The following NRDE2 variants were observed in gnomAD, a reference collection of about 807,000 sequenced individuals.
The protein encoded by NRDE2 is NRDE-2, necessary for RNA interference, domain containing.
A neutral mutation model predicts 124.2 loss-of-function variants in NRDE2; 76 were observed. That is an observed-to-expected ratio of 0.61 (90% confidence interval 0.51 to 0.74). The LOEUF (loss-of-function observed/expected upper bound fraction) is 0.74. Ranked by LOEUF, NRDE2 falls within the 30% of genes least tolerant of loss-of-function variation. The pLI is 0.00. For synonymous variants in NRDE2, 489 were observed against 528.1 expected (o/e 0.93, Z 1.01); for missense variants, 1,314 against 1,417.3 (o/e 0.93, Z 1.17).
At chr14:90,306,196 G>A (rs886442804) in intron 4 of NRDE2, among the ~76,000 whole-genome samples, 7 of 152,186 alleles carry the variant, frequency 4.6e-5, no homozygotes, top group Non-Finnish European at 2.9e-5. Context: ...GAAAAAGGCA[G>A]GGGAGAACTG....
In NRDE2 at chr14:90,331,090, CT is replaced by C. The variant is rs571611307; in HGVS notation, c.64+750del. On this transcript the variant is annotated intron_variant, in intron 1 of 13. Transcript: ENST00000354366. Reference sequence around the variant, plus strand: ...TATAGGTGTGCACCACCACGCCTGGCTTTTTTTTTAAGAGACAGGAGTCTCG... The same window carrying C: ...TATAGGTGTGCACCACCACGCCTGGCTTTTTTTTAAGAGACAGGAGTCTCG... 6.6e-3 allele frequency among the ~76,000 whole-genome samples: 999 copies of C among 150,994 alleles called. 9 individuals are homozygous for C. Among genetic ancestry groups the C allele is most frequent in the African/African-American group, 0.023 (956 of 41,164 alleles).
chr14:90,321,845 C>T (rs1433105619), intron 1 of NRDE2, among the ~76,000 whole-genome samples: 1 of 152,188 alleles, frequency 6.6e-6, no homozygotes, highest in Non-Finnish European at 1.5e-5. Context: ...TCACTTCAAA[C>T]AGAATCTTCC....
At chr14:90,315,468 T>C (rs1382965071) in intron 3 of NRDE2, among the ~76,000 whole-genome samples, 1 of 152,188 alleles carries the variant, frequency 6.6e-6, no homozygotes, top group Non-Finnish European at 1.5e-5. Flanking sequence ...TTTTCTCCCT[T>C]CTAGACCATA....
chr14:90,288,903 A>T lies in NRDE2; in HGVS notation c.2472T>A (p.Ser824Arg). Reference sequence around the variant, plus strand: ...CCACCTCCAGCTCAGCATAGAGCAGACTGAGCTCACAGAGGTCAGAGTCTT... The same window carrying T: ...CCACCTCCAGCTCAGCATAGAGCAGTCTGAGCTCACAGAGGTCAGAGTCTT... The part of the protein sequence containing the change: ...ELKDSDLCEL[S>R]LLYAELEVEL... The change falls in exon 11 of 14, where the codon AGT becomes AGA. Residue 824 changes from serine (S) to arginine (R), a missense_variant. Physicochemically the swap from Ser to Arg is moderately radical, Grantham distance 110. Transcript: ENST00000354366. 6.2e-7 allele frequency: 1 copy of T among 1,614,036 alleles called. No individual in the cohort carries two copies. Among genetic ancestry groups the T allele is most frequent in the South Asian group, 1.1e-5 (1 of 91,082 alleles).
intron 12 of NRDE2, among the ~76,000 whole-genome samples, chr14:90,284,213 C>T (rs938919020): frequency 4.6e-5 from 7 of 152,094 alleles, no homozygotes; most frequent in Non-Finnish European, 5.9e-5. Context: ...CCAACAGATA[C>T]GGATACTCGC....
At chr14:90,331,420 A>G (rs1417931152) in intron 1 of NRDE2, among the ~76,000 whole-genome samples, 3 of 152,222 alleles carry the variant, frequency 2.0e-5, no homozygotes, top group African/African-American at 7.2e-5. Context: ...AAGTAATACC[A>G]ATCTAATAAG....
chr14:90,316,907 T>C (rs1885069564), intron 2 of NRDE2, 96 bp from the exon 3 acceptor site: 2 of 827,732 alleles, frequency 2.4e-6, no homozygotes, highest in Non-Finnish European at 3.8e-6. Flanking sequence ...GATGGAACTA[T>C]ATAAATGTTC....
intron 5 of NRDE2, 33 bp from the exon 6 acceptor site, chr14:90,303,158 A>G: frequency 1.9e-6 from 3 of 1,584,624 alleles, no homozygotes; most frequent in Non-Finnish European, 2.6e-6. Context: ...TACAAATGCA[A>G]ATGGACCTGG....
intron 3 of NRDE2, among the ~76,000 whole-genome samples, chr14:90,313,019 TG>T (rs1300600833): frequency 6.6e-6 from 1 of 152,104 alleles, no homozygotes; most frequent in East Asian, 1.9e-4. Context: ...CTAACTTACT[TG>T]AAAGTGCCTA....
rs1444250256 is a variant in NRDE2, at chr14:90,304,328, T to C, written c.612A>G (p.Ile204Met). Residue 204 changes from isoleucine (I) to methionine (M), a missense_variant, in exon 5 of 14, where the codon ATA (isoleucine) becomes ATG (methionine). By Grantham distance (10) the Ile-to-Met change is conservative. Transcript: ENST00000354366. ...TCTCTGTGGAAGTCCCTTCCCAAGA[T>C]ATGCACTGCTTCTTAGGGTTAATGC... ...CLGINPKKQCISWEGTSTEKK... is the reference protein window; with the variant it reads ...CLGINPKKQCMSWEGTSTEKK... The C allele has an allele frequency of 6.2e-7, 1 of 1,614,150 alleles. No individual in the cohort carries two copies. The highest frequency in any genetic ancestry group is 8.5e-7 in the Non-Finnish European group (1 of 1,180,002).
rs543158121 is a variant in NRDE2 at position 90,305,645 on chromosome 14, C to A, written c.558-1263G>T. ...GACGGATGATCTCAAAAACATTACA[C>A]TGAGTGAAAGAAGCCAGAAGCCAGA... On this transcript the variant is annotated intron_variant, in intron 4 of 13. Coordinates refer to ENST00000354366, the MANE Select transcript of NRDE2 (RefSeq NM_017970.4). 2.6e-5 allele frequency among the ~76,000 whole-genome samples: 4 copies of A among 152,298 alleles called. No homozygotes were observed. The South Asian group carries it at 8.3e-4, about 32-fold the overall frequency.
In NRDE2 at chr14:90,327,749, G is replaced by C. The variant is rs146209002; in HGVS notation, c.64+4092C>G. On this transcript the variant is annotated intron_variant, in intron 1 of 13. Coordinates refer to ENST00000354366, the MANE Select transcript of NRDE2 (RefSeq NM_017970.4). ...TCCCAGGCTAGGCGAGGTGGCTCAC[G>C]CACTTTGGGAGGCCAAGGCAGGTGG... Among the ~76,000 whole-genome samples the C allele has an allele frequency of 6.3e-4, 96 of 152,304 alleles. No homozygotes were observed. In the East Asian group the frequency reaches 0.017, roughly 27 times the overall value.
At chr14:90,295,455 T>C (rs1381952704) in intron 8 of NRDE2, among the ~76,000 whole-genome samples, 1 of 152,202 alleles carries the variant, frequency 6.6e-6, no homozygotes, top group East Asian at 1.9e-4. Context: ...TATCACCTTC[T>C]TCTAAAGATC....
chr14:90,312,775 A>G (rs1370014927), intron 3 of NRDE2, among the ~76,000 whole-genome samples: 1 of 152,224 alleles, frequency 6.6e-6, no homozygotes, highest in African/African-American at 2.4e-5. Context: ...ACACTCTACC[A>G]ACAAAAGAAG....
intron 1 of NRDE2, among the ~76,000 whole-genome samples, chr14:90,319,151 G>T (rs11845387): frequency 3.3e-5 from 5 of 151,880 alleles, no homozygotes; most frequent in African/African-American, 9.7e-5. Context: ...TAGCTGTGAA[G>T]GGAAGAAAAA....
At chr14:90,280,909 T>C (rs1487585151) in intron 12 of NRDE2, 2 of 152,264 alleles carry the variant, frequency 1.3e-5, no homozygotes, top group Non-Finnish European at 2.9e-5. Context: ...TCTCCTCAGG[T>C]GGACTGGGAG....
rs138559131 is a variant in NRDE2, at chr14:90,296,112, C to T, written c.1666+2148G>A. Among the ~76,000 whole-genome samples, 921 of 152,206 alleles carry T rather than the reference C, an allele frequency of 6.1e-3. 8 individuals carry two copies. The highest frequency in any genetic ancestry group is 8.6e-3 in the Non-Finnish European group (588 of 68,016). On this transcript the variant is annotated intron_variant, in intron 8 of 13. Transcript: ENST00000354366. ...CACAGAAATGCAGAACACAGCAAACCGTGTAACAGATACTATGCATTGTAA... is the reference window on the plus strand; with the variant it reads ...CACAGAAATGCAGAACACAGCAAACTGTGTAACAGATACTATGCATTGTAA...
chr14:90,298,279 G>T lies in NRDE2; in HGVS notation c.1647C>A (p.Gly549=). The T allele has an allele frequency of 6.2e-7, 1 of 1,613,624 alleles. No individual in the cohort carries two copies. Among genetic ancestry groups the T allele is most frequent in the Non-Finnish European group, 8.5e-7 (1 of 1,179,944 alleles). ...ACTTACCTGGGTTGATGACCACCCA[G>T]CCACCTCGTTCCTGCTGGTGCATCC... ...KAWMHQQERG[G]WVVINPDEDD... is the part of the protein sequence containing the mutation. The change falls in exon 8 of 14, where the codon GGC becomes GGA. Residue 549 remains glycine (G), a synonymous_variant. Coordinates refer to ENST00000354366, the MANE Select transcript of NRDE2 (RefSeq NM_017970.4).
At chr14:90,326,220 C>T (rs937290557) in intron 1 of NRDE2, among the ~76,000 whole-genome samples, 3 of 152,094 alleles carry the variant, frequency 2.0e-5, no homozygotes, top group Non-Finnish European at 4.4e-5. Flanking sequence ...GGAGGCCGGG[C>T]GCGGTGGCTC....
Sources: allele counts gnomAD v4.1 joint callset (sites outside exome capture counted in the v4.1 genomes callset), GRCh38; gene constraint gnomAD v4.1.1; transcripts MANE v1.5; gene names NCBI Gene and HGNC (gene_info 2026-07-23, HGNC 2026-07-21).